Variants in MACROD2 observed in about 807,000 individuals in gnomAD.
The protein encoded by MACROD2 is mono-ADP ribosylhydrolase 2.
MACROD2 carries 36 observed loss-of-function variants against 70.4 expected under a neutral mutation model. That is an observed-to-expected ratio of 0.51 (90% CI 0.39 to 0.68). The LOEUF (loss-of-function observed/expected upper bound fraction) is 0.68. MACROD2 is among the 30% of genes least tolerant of loss of function. The probability of loss-of-function intolerance (pLI) is 0.00; values close to 1 mark genes in which losing one functional copy is unlikely to be tolerated. For missense variants in MACROD2, 496 were observed against 538.4 expected, an observed-to-expected ratio of 0.92 and a Z score of 0.78; for synonymous variants, 172 against 178.8, an observed-to-expected ratio of 0.96 and a Z score of 0.30.
chr20:14,551,057 A>G (rs138784125), intron 4 of MACROD2, among the ~76,000 whole-genome samples: 419 of 152,128 alleles, frequency 2.8e-3, no homozygotes, highest in Non-Finnish European at 5.3e-3. Context: ...TCCTTTTTCA[A>G]TGAATGTAAC....
intron 5 of MACROD2, among the ~76,000 whole-genome samples, chr20:15,129,857 G>A (rs574350343): frequency 6.6e-6 from 1 of 152,026 alleles, no homozygotes; most frequent in Admixed American, 6.6e-5. Context: ...TATTTCTATG[G>A]GTGCCTTGAA....
intron 2 of MACROD2, among the ~76,000 whole-genome samples, chr20:14,019,203 G>C (rs148854797): frequency 4.2e-4 from 64 of 152,280 alleles, no homozygotes; most frequent in African/African-American, 1.5e-3. Context: ...TGTAATACAC[G>C]TAGAGCTGGC....
chr20:15,033,876 G>A (rs2075293551), intron 5 of MACROD2, among the ~76,000 whole-genome samples: 1 of 152,182 alleles, frequency 6.6e-6, no homozygotes, highest in South Asian at 2.1e-4. Flanking sequence ...CAGACACAAG[G>A]GAGTATTGCA....
At chr20:15,579,360 T>G (rs1027753072) in intron 8 of MACROD2, among the ~76,000 whole-genome samples, 2 of 152,218 alleles carry the variant, frequency 1.3e-5, no homozygotes, top group Admixed American at 1.3e-4. Context: ...ATGACCTTTT[T>G]TTGGGTAGTG....
At chr20:16,037,368 C>G (rs1295562909) in intron 15 of MACROD2, among the ~76,000 whole-genome samples, 2 of 151,854 alleles carry the variant, frequency 1.3e-5, no homozygotes, top group African/African-American at 4.8e-5. Context: ...AGTAATGTAA[C>G]CAGGGTTATT....
intron 13 of MACROD2, among the ~76,000 whole-genome samples, chr20:15,971,633 T>C (rs1336434661): frequency 2.6e-5 from 4 of 152,162 alleles, no homozygotes; most frequent in African/African-American, 9.7e-5. Context: ...TCCTCTATGA[T>C]ATCACCCACT....
At chr20:15,678,582 A>C (rs890902715) in intron 8 of MACROD2, among the ~76,000 whole-genome samples, 25 of 152,130 alleles carry the variant, frequency 1.6e-4, no homozygotes, top group Non-Finnish European at 1.3e-4. Context: ...GATGGTCTCA[A>C]TCTCCTGACC....
At chr20:15,257,222 A>T (rs1335637410) in intron 6 of MACROD2, among the ~76,000 whole-genome samples, 1 of 152,024 alleles carries the variant, frequency 6.6e-6, no homozygotes, top group Non-Finnish European at 1.5e-5. Flanking sequence ...AAAAGCTATG[A>T]TCTGATTTAT....
intron 5 of MACROD2, among the ~76,000 whole-genome samples, chr20:14,784,947 C>T (rs563004853): frequency 4.0e-4 from 61 of 151,856 alleles, no homozygotes; most frequent in African/African-American, 1.5e-3. Flanking sequence ...ACAGGGCCTG[C>T]GGGCAGGGAT....
chr20:14,948,362 T>C (rs2074449591), intron 5 of MACROD2, among the ~76,000 whole-genome samples: 1 of 152,214 alleles, frequency 6.6e-6, no homozygotes, highest in African/African-American at 2.4e-5. Context: ...AATCAAATCC[T>C]TAACTAGCTG....
rs531728338 is a variant in MACROD2 at position 15,967,649 on chromosome 20, T to C, written c.985+19T>C. Reference sequence around the variant, plus strand: ...CCCGATGGTAGGTTGTGAAATCCTTTATTAGATTTTCTTTTCTTCTGCTGG... The same window carrying C: ...CCCGATGGTAGGTTGTGAAATCCTTCATTAGATTTTCTTTTCTTCTGCTGG... On this transcript the variant is annotated intron_variant, in intron 13 of 17. Transcript: ENST00000684519. The C allele has an allele frequency of 1.2e-5, 18 of 1,522,124 alleles. No individual in the cohort carries two copies. In the South Asian group the frequency reaches 2.2e-4, roughly 18 times the overall value. The allele number at this position is 1,522,124 out of a possible 1,614,324, so 94.3% of individuals were successfully genotyped here.
At chr20:15,060,097 TTCGTGTTACA>T (rs2075519963) in intron 5 of MACROD2, among the ~76,000 whole-genome samples, 1 of 152,198 alleles carries the variant, frequency 6.6e-6, no homozygotes, top group Admixed American at 6.5e-5. Flanking sequence ...TTTGATAGCA[TTCGTGTTACA>T]CCCTTGGGAA....
At chr20:15,858,999 G>C (rs2064389394) in intron 8 of MACROD2, among the ~76,000 whole-genome samples, 1 of 152,100 alleles carries the variant, frequency 6.6e-6, no homozygotes, top group Non-Finnish European at 1.5e-5. Context: ...GCCTACTATT[G>C]ACTAGAAGCC....
rs1413057556 is a variant in MACROD2 at position 14,058,667 on chromosome 20, CAG to C, written c.164-26951_164-26950del. 5.3e-5 allele frequency among the ~76,000 whole-genome samples: 7 copies of C among 133,194 alleles called. No individual in the cohort carries two copies. The East Asian group carries it at 1.3e-3, about 26-fold the overall frequency. The allele number at this position is 133,194 out of a possible 152,430, so 87.4% of individuals were successfully genotyped here. ...TTACCTTTTTTTTTTTTTTTTGAGA[CAG>C]AGTCTCGCTCTGTCACCAGGCTGGA... On this transcript the variant is annotated intron_variant, in intron 2 of 17. Transcript: ENST00000684519.
intron 5 of MACROD2, among the ~76,000 whole-genome samples, chr20:14,750,406 A>T (rs954786829): frequency 6.6e-6 from 1 of 152,070 alleles, no homozygotes; most frequent in Non-Finnish European, 1.5e-5. Flanking sequence ...AAAACATGTT[A>T]TTTACGATCA....
At chr20:14,429,261 A>G (rs1416114888) in intron 3 of MACROD2, among the ~76,000 whole-genome samples, 4 of 152,130 alleles carry the variant, frequency 2.6e-5, no homozygotes, top group African/African-American at 9.7e-5. Context: ...ACTAGGCCAG[A>G]CCTTTATAAT....
At chr20:15,131,074 C>T (rs920088232) in intron 5 of MACROD2, among the ~76,000 whole-genome samples, 1 of 151,972 alleles carries the variant, frequency 6.6e-6, no homozygotes, top group Non-Finnish European at 1.5e-5. Context: ...GTAGTTTATA[C>T]GGGAAGCTAA....
At chr20:14,406,905 A>G (rs2083696391) in intron 3 of MACROD2, among the ~76,000 whole-genome samples, 2 of 152,146 alleles carry the variant, frequency 1.3e-5, no homozygotes, top group South Asian at 2.1e-4. Context: ...GCCTTCTTCA[A>G]TTTTGTGTCC....
At position 14,603,186 on chromosome 20, in the gene MACROD2, T is replaced by G. The variant is rs561800811; in HGVS notation, c.302-81657T>G. On this transcript the variant is annotated intron_variant, in intron 4 of 17. Transcript: ENST00000684519. Reference sequence around the variant, plus strand: ...CTCTCCCATTCTCTGATTTATAACTTTCTCAGGCTTGAAGAGTTTTTACAT... The same window carrying G: ...CTCTCCCATTCTCTGATTTATAACTGTCTCAGGCTTGAAGAGTTTTTACAT... Among the ~76,000 whole-genome samples, 4 of 152,354 alleles carry G rather than the reference T, an allele frequency of 2.6e-5. No individual in the cohort carries two copies. In the South Asian group the frequency reaches 8.3e-4, roughly 32 times the overall value.
Sources: gnomAD v4.1 joint callset for allele counts (sites outside exome capture counted in the v4.1 genomes callset) on GRCh38, gnomAD v4.1.1 for gene constraint, MANE v1.5 for transcripts, NCBI Gene and HGNC (gene_info 2026-07-23, HGNC 2026-07-21) for gene names.